GRIK1: variants seen among roughly 807,000 people sequenced by gnomAD.
The protein encoded by GRIK1 is glutamate receptor ionotropic, kainate 1.
In GRIK1, 69 loss-of-function variants were observed where a neutral mutation model predicts 105.7. The observed-to-expected ratio is 0.65, with a 90% CI of 0.54 to 0.80. The LOEUF is 0.80. Among genes scored for constraint, GRIK1 ranks in the 30% least tolerant of loss-of-function variants. The pLI, the probability that GRIK1 is intolerant of heterozygous loss-of-function variation, is 0.00. For missense variants in GRIK1, 1,109 were observed against 1,167.3 expected, an observed-to-expected ratio of 0.95 and a Z score of 0.73; for synonymous variants, 438 against 431.3, an observed-to-expected ratio of 1.02 and a Z score of -0.19.
Position 29,629,217 on chromosome 21 carries a change from T to TGTGTGTGG in GRIK1, c.1098+13608_1098+13609insCCACACAC, listed in dbSNP as rs367746089. Among the ~76,000 whole-genome samples, 1,236 of 148,928 alleles carry TGTGTGTGG rather than the reference T, an allele frequency of 8.3e-3. 23 individuals are homozygous for TGTGTGTGG. Among genetic ancestry groups the TGTGTGTGG allele is most frequent in the African/African-American group, 0.03 (1,181 of 39,450 alleles). On this transcript the variant is annotated intron_variant, in intron 7 of 17. Transcript: ENST00000327783. ...AAATGTGTGTGTGTGTGTGTGTGTGTGTGTGTGTGTGTGTGTGCTATTTGC... is the reference window on the plus strand; with the variant it reads ...AAATGTGTGTGTGTGTGTGTGTGTGTGTGTGTGGGTGTGTGTGTGTGTGTGCTATTTGC...
intron 5 of GRIK1, among the ~76,000 whole-genome samples, chr21:29,654,479 A>G (rs1295980396): frequency 6.6e-6 from 1 of 152,212 alleles, no homozygotes; most frequent in Non-Finnish European, 1.5e-5. Context: ...ACACCTTCTA[A>G]TGTATATAAA....
intron 1 of GRIK1, among the ~76,000 whole-genome samples, chr21:29,727,257 A>T (rs1444566565): frequency 1.3e-5 from 2 of 152,160 alleles, no homozygotes; most frequent in African/African-American, 4.8e-5. Context: ...GGAGCAAAGG[A>T]TAGGAACATA....
intron 9 of GRIK1, among the ~76,000 whole-genome samples, chr21:29,594,918 A>G (rs2061382702): frequency 6.6e-6 from 1 of 152,206 alleles, no homozygotes; most frequent in Non-Finnish European, 1.5e-5. Context: ...ATTCTAAAAT[A>G]AGTCAGAGTA....
chr21:29,838,807 T>C (rs1436371289), intron 1 of GRIK1, among the ~76,000 whole-genome samples: 4 of 152,138 alleles, frequency 2.6e-5, no homozygotes, highest in Admixed American at 2.6e-4. Context: ...ATGGTTTGCC[T>C]GAAAAAAGAA....
intron 1 of GRIK1, among the ~76,000 whole-genome samples, chr21:29,757,794 A>G (rs2145678133): frequency 6.6e-6 from 1 of 152,314 alleles, no homozygotes; most frequent in Admixed American, 6.5e-5. Flanking sequence ...TTTTAGCAAC[A>G]TTCCTGGCCT....
chr21:29,774,063 C>T (rs1280794336), intron 1 of GRIK1, among the ~76,000 whole-genome samples: 1 of 152,148 alleles, frequency 6.6e-6, no homozygotes, highest in African/African-American at 2.4e-5. Context: ...GATTTATATC[C>T]TGAATATAAG....
rs774769899 is a variant in GRIK1, at chr21:29,577,040, G to A, written c.2054C>T (p.Ser685Leu). The A allele has an allele frequency of 9.9e-6, 16 of 1,613,334 alleles. No individual in the cohort carries two copies. Among genetic ancestry groups the A allele is most frequent in the African/African-American group, 6.7e-5 (5 of 74,864 alleles). ...TVERMESPIDSADDLAKQTKI... is the reference protein window; with the variant it reads ...TVERMESPIDLADDLAKQTKI... ...GGTTTGCTTTGCCAGATCATCTGCC[G>A]AATCTATGGGGGATTCCATTCTCTC... Residue 685 changes from serine to leucine, a missense_variant, in exon 14 of 18, where the codon TCG becomes TTG. Physicochemically the swap from Ser to Leu is moderately radical, Grantham distance 145. This residue lies in a region of GRIK1 where 264 missense variants were observed against 306.9 expected (regional missense o/e 0.86). Transcript: ENST00000327783.
At chr21:29,591,418 T>G (rs1303933121) in intron 9 of GRIK1, among the ~76,000 whole-genome samples, 193 bp from the exon 10 acceptor site, 4 of 151,060 alleles carry the variant, frequency 2.6e-5, no homozygotes, top group Non-Finnish European at 1.5e-5. Context: ...AGGATATATC[T>G]GTGCTATTGG....
At chr21:29,675,982 A>C (rs1278716439) in intron 3 of GRIK1, among the ~76,000 whole-genome samples, 1 of 152,202 alleles carries the variant, frequency 6.6e-6, no homozygotes, top group Non-Finnish European at 1.5e-5. Flanking sequence ...AGTAACAGAG[A>C]AAGAACATTT....
At chr21:29,815,413 CACCTTGTAAGT>C (rs1877209517) in intron 1 of GRIK1, among the ~76,000 whole-genome samples, 1 of 152,110 alleles carries the variant, frequency 6.6e-6, no homozygotes, top group African/African-American at 2.4e-5. Context: ...CAGTGTCTGT[CACCTTGTAAGT>C]ACTCAGTTGA....
At chr21:29,790,981 G>T (rs1189761744) in intron 1 of GRIK1, among the ~76,000 whole-genome samples, 1 of 152,168 alleles carries the variant, frequency 6.6e-6, no homozygotes, top group Non-Finnish European at 1.5e-5. Flanking sequence ...GGGAAGGAGA[G>T]GGGGCCAACT....
intron 1 of GRIK1, among the ~76,000 whole-genome samples, chr21:29,925,179 C>G (rs980036653): frequency 6.6e-6 from 1 of 152,308 alleles, no homozygotes; most frequent in Non-Finnish European, 1.5e-5. Flanking sequence ...CTATCTATAA[C>G]ATCACATTGT....
intron 7 of GRIK1, among the ~76,000 whole-genome samples, chr21:29,636,769 C>T (rs1227314563): frequency 6.6e-6 from 1 of 152,178 alleles, no homozygotes; most frequent in Non-Finnish European, 1.5e-5. Context: ...TCAATCATAC[C>T]TATACATAGC....
At chr21:29,575,247 G>A (rs1428504317) in intron 14 of GRIK1, among the ~76,000 whole-genome samples, 1 of 151,224 alleles carries the variant, frequency 6.6e-6, no homozygotes, top group Non-Finnish European at 1.5e-5. Context: ...CTTAGTTTTT[G>A]TTTCTAAGCT....
intron 1 of GRIK1, among the ~76,000 whole-genome samples, chr21:29,836,757 G>A (rs1002811801): frequency 8.5e-5 from 13 of 152,170 alleles, no homozygotes; most frequent in East Asian, 3.9e-4. Context: ...AAATTCTAAC[G>A]TGTCCATACC....
chr21:29,763,821 T>C (rs1601632073), intron 1 of GRIK1: 2 of 152,330 alleles, frequency 1.3e-5, no homozygotes, highest in East Asian at 3.9e-4. Context: ...GTGATTAAGT[T>C]ATACACAATT....
At chr21:29,567,530 T>C (rs1017384402) in intron 14 of GRIK1, among the ~76,000 whole-genome samples, 3 of 152,182 alleles carry the variant, frequency 2.0e-5, no homozygotes, top group African/African-American at 7.2e-5. Context: ...TAGAAATAAG[T>C]TATTGATATT....
chr21:29,621,916 C>T (rs191043426), intron 7 of GRIK1, among the ~76,000 whole-genome samples: 4 of 151,990 alleles, frequency 2.6e-5, no homozygotes, highest in Admixed American at 2.0e-4. Flanking sequence ...TAAATAAAAT[C>T]ATATGTGAGG....
intron 1 of GRIK1, among the ~76,000 whole-genome samples, chr21:29,752,442 T>C (rs1259833239): frequency 6.6e-6 from 1 of 152,236 alleles, no homozygotes; most frequent in Non-Finnish European, 1.5e-5. Context: ...AGAGAACGTC[T>C]GCTTCTTCTT....
Sources: allele counts gnomAD v4.1 joint callset (sites outside exome capture counted in the v4.1 genomes callset), GRCh38; gene constraint gnomAD v4.1.1; regional missense constraint gnomAD v4.1.1; transcripts MANE v1.5; gene names NCBI Gene and HGNC (gene_info 2026-07-23, HGNC 2026-07-21).